Variants in CAMSAP2 observed in about 807,000 individuals in gnomAD.
The protein encoded by CAMSAP2 is calmodulin regulated spectrin associated protein family member 2.
In CAMSAP2, 26 loss-of-function variants were observed where a neutral mutation model predicts 146.1. The observed-to-expected ratio is 0.18, with a 90% confidence interval of 0.13 to 0.25. CAMSAP2 has a LOEUF of 0.25. Among genes scored for constraint, CAMSAP2 ranks in the 10% least tolerant of loss-of-function variants. The pLI is 1.00. For synonymous variants in CAMSAP2, 499 were observed against 596.6 expected (o/e 0.84, Z 2.38); for missense variants, 1,381 against 1,759.3 (o/e 0.78, Z 3.85).
intron 6 of CAMSAP2, among the ~76,000 whole-genome samples, chr1:200,841,776 A>G (rs1030675050): frequency 2.6e-5 from 4 of 152,246 alleles, no homozygotes; most frequent in African/African-American, 7.2e-5. Flanking sequence ...TTGGACCACC[A>G]TTTTAGAACT....
At chr1:200,769,803 G>A (rs1665063589) in intron 2 of CAMSAP2, among the ~76,000 whole-genome samples, 2 of 152,160 alleles carry the variant, frequency 1.3e-5, no homozygotes, top group South Asian at 4.1e-4. Context: ...GTTTTTTGAA[G>A]CTTTATAATC....
intron 2 of CAMSAP2, among the ~76,000 whole-genome samples, chr1:200,765,175 C>T (rs750721867): frequency 1.7e-4 from 26 of 152,052 alleles, no homozygotes; most frequent in Non-Finnish European, 2.8e-4. Flanking sequence ...ATCTCCACCC[C>T]AAAATTAATA....
chr1:200,825,196 C>T (rs1306784686), intron 4 of CAMSAP2, among the ~76,000 whole-genome samples: 1 of 151,818 alleles, frequency 6.6e-6, no homozygotes, highest in Non-Finnish European at 1.5e-5. Flanking sequence ...TTTTTGACAC[C>T]ATCCTTGTTA....
chr1:200,796,298 G>A (rs1665882938), intron 2 of CAMSAP2, among the ~76,000 whole-genome samples: 1 of 152,118 alleles, frequency 6.6e-6, no homozygotes, highest in Non-Finnish European at 1.5e-5. Flanking sequence ...ATAGACATAT[G>A]GGCTTATTTA....
intron 13 of CAMSAP2, 37 bp from the exon 14 acceptor site, chr1:200,854,778 GTT>G: frequency 6.5e-7 from 1 of 1,530,326 alleles, no homozygotes; most frequent in Non-Finnish European, 9.0e-7. Flanking sequence ...TTCTGATTTT[GTT>G]TTTATTCAGG....
At chr1:200,754,366 T>C (rs1664589180) in intron 1 of CAMSAP2, among the ~76,000 whole-genome samples, 2 of 152,150 alleles carry the variant, frequency 1.3e-5, no homozygotes, top group Admixed American at 1.3e-4. Flanking sequence ...CAAAGTGGTA[T>C]CTGTAGTTTT....
chr1:200,761,139 G>A lies in CAMSAP2; in HGVS notation c.399+41G>A, dbSNP rs145263032. The A allele has an allele frequency of 2.7e-5, 43 of 1,577,500 alleles. 1 individual carries two copies. The African/African-American group carries it at 4.6e-4, about 17-fold the overall frequency. The stretch of plus-strand genomic sequence containing the variant: ...CCCAAGATTATTTTAAGTTTGAAGT[G>A]TGTACTTTTGAGTGTGAATGATATA... On this transcript the variant is annotated intron_variant, in intron 2 of 16. Transcript: ENST00000358823.
chr1:200,774,383 G>A (rs1301433879), intron 2 of CAMSAP2, among the ~76,000 whole-genome samples: 1 of 152,102 alleles, frequency 6.6e-6, no homozygotes, highest in Non-Finnish European at 1.5e-5. Context: ...GTGTTAGAAT[G>A]AGCTGTGTTA....
chr1:200,746,457 C>T (rs754204138), intron 1 of CAMSAP2, among the ~76,000 whole-genome samples: 1 of 151,912 alleles, frequency 6.6e-6, no homozygotes, highest in Non-Finnish European at 1.5e-5. Context: ...TGTTTAAGAG[C>T]GGGTTGGGGG....
intron 2 of CAMSAP2, among the ~76,000 whole-genome samples, chr1:200,762,056 G>A (rs2103003137): frequency 6.6e-6 from 1 of 152,330 alleles, no homozygotes; most frequent in South Asian, 2.1e-4. Context: ...AAATCAAAGA[G>A]TAGTAGTTTT....
At position 200,847,259 on chromosome 1, in the gene CAMSAP2, T is replaced by G. The variant is rs1667481640; in HGVS notation, c.1159T>G (p.Tyr387Asp). ...GTCTCATCATCATTTGCCTTCTAGG[T>G]ATTCACGTCCCCAGGCTCATTCTTC... ...TQSHHHLPSR[Y>D]SRPQAHSSAS... Residue 387 changes from tyrosine to aspartate, a missense_variant, in exon 9 of 17, where the codon TAT (tyrosine) becomes GAT (aspartate). Physicochemically the swap from Tyr to Asp is radical, Grantham distance 160. Coordinates refer to ENST00000358823, the MANE Select transcript of CAMSAP2 (RefSeq NM_203459.4). 6.2e-7 allele frequency: 1 copy of G among 1,612,456 alleles called. No individual in the cohort carries two copies. Among genetic ancestry groups the G allele is most frequent in the African/African-American group, 1.3e-5 (1 of 74,910 alleles).
chr1:200,783,022 T>C (rs1287776324), intron 2 of CAMSAP2, among the ~76,000 whole-genome samples: 1 of 151,926 alleles, frequency 6.6e-6, no homozygotes, highest in East Asian at 1.9e-4. Flanking sequence ...TGCCTCGGCC[T>C]CCCAAAGTAC....
intron 8 of CAMSAP2, among the ~76,000 whole-genome samples, chr1:200,845,558 G>A (rs1342259317): frequency 6.6e-6 from 1 of 152,184 alleles, no homozygotes; most frequent in East Asian, 1.9e-4. Flanking sequence ...ATACTGGCAT[G>A]TATAGAAAAT....
chr1:200,808,605 T>C (rs1666243359), intron 3 of CAMSAP2, among the ~76,000 whole-genome samples: 1 of 152,216 alleles, frequency 6.6e-6, no homozygotes, highest in Non-Finnish European at 1.5e-5. Context: ...TCTTTAGTAA[T>C]CTTTCCCTGA....
At chr1:200,856,785 C>CT (rs1667761994) in intron 15 of CAMSAP2, among the ~76,000 whole-genome samples, 1 of 152,132 alleles carries the variant, frequency 6.6e-6, no homozygotes, top group Admixed American at 6.5e-5. Flanking sequence ...CTAGAAAGGC[C>CT]TAAGGAGGTT....
At chr1:200,826,125 A>G (rs906789757) in intron 4 of CAMSAP2, among the ~76,000 whole-genome samples, 3 of 152,108 alleles carry the variant, frequency 2.0e-5, no homozygotes, top group Non-Finnish European at 2.9e-5. Context: ...TTGGATCTGC[A>G]ACAGCTAGGA....
intron 2 of CAMSAP2, among the ~76,000 whole-genome samples, chr1:200,786,829 A>C (rs1276280571): frequency 6.6e-6 from 1 of 152,206 alleles, no homozygotes; most frequent in East Asian, 1.9e-4. Flanking sequence ...ATGTGGGCTA[A>C]TGTAGCTGGT....
chr1:200,838,023 A>C (rs1160337700), intron 6 of CAMSAP2, among the ~76,000 whole-genome samples: 2 of 152,170 alleles, frequency 1.3e-5, no homozygotes, highest in African/African-American at 4.8e-5. Flanking sequence ...AGGAAAGAAG[A>C]AGCTTTTAAA....
intron 2 of CAMSAP2, among the ~76,000 whole-genome samples, chr1:200,781,004 C>CT (rs1665413903): frequency 6.6e-6 from 1 of 152,100 alleles, no homozygotes; most frequent in Non-Finnish European, 1.5e-5. Context: ...CCATGAGGCA[C>CT]TTTTTTTATA....
Sources: gnomAD v4.1 joint callset for allele counts (sites outside exome capture counted in the v4.1 genomes callset) on GRCh38, gnomAD v4.1.1 for gene constraint, MANE v1.5 for transcripts, NCBI Gene and HGNC (gene_info 2026-07-23, HGNC 2026-07-21) for gene names.